WDR76: variants seen among roughly 807,000 people sequenced by gnomAD.
WDR76 encodes the protein WD repeat domain 76.
A neutral mutation model predicts 70.2 loss-of-function variants in WDR76; 52 were observed. That is an observed-to-expected ratio of 0.74 (90% CI 0.59 to 0.93). The LOEUF (loss-of-function observed/expected upper bound fraction) is 0.93, where lower values mean the gene tolerates loss of function less well. WDR76 is among the 40% of genes least tolerant of loss of function. The probability of loss-of-function intolerance (pLI) is 0.00; values close to 1 mark genes in which losing one functional copy is unlikely to be tolerated. For missense variants in WDR76, 756 were observed against 760.2 expected, an observed-to-expected ratio of 0.99 and a Z score of 0.07; for synonymous variants, 292 against 271.1, an observed-to-expected ratio of 1.08 and a Z score of -0.76.
chr15:43,867,474 T>G lies in WDR76; in HGVS notation c.*1082T>G, dbSNP rs1048638349. On this transcript the variant is annotated 3_prime_UTR_variant, in exon 13 of 13. Coordinates refer to ENST00000263795, the MANE Select transcript of WDR76 (RefSeq NM_024908.4). ...ATTTGTAAAGAACAGAAAATATATT[T>G]GAGTAAGTATTGTTTGGTAAAACTT... 6.6e-6 allele frequency: 1 copy of G among 152,106 alleles called. No individual in the cohort carries two copies. The highest frequency in any genetic ancestry group is 1.9e-4 in the East Asian group (1 of 5,196). The allele number at this position is 152,106 out of a possible 1,614,324, so 9.4% of individuals were successfully genotyped here. A position where few individuals can be genotyped will look rare whatever the true frequency, so the allele number is the denominator to read the frequency against.
intron 4 of WDR76, 116 bp from the exon 5 acceptor site, chr15:43,839,489 C>A (rs1349603424): frequency 6.7e-6 from 7 of 1,044,904 alleles, no homozygotes; most frequent in East Asian, 2.8e-5. Context: ...ATATATATAT[C>A]TATGCAGTTT....
At position 43,866,225 on chromosome 15, in the gene WDR76, C is replaced by G; in HGVS notation, c.1714C>G (p.Arg572Gly). The change falls in exon 13 of 13, where the codon CGA becomes GGA. Residue 572 changes from arginine to glycine, a missense_variant. By Grantham distance (125) the Arg-to-Gly change is moderately radical. Coordinates refer to ENST00000263795, the MANE Select transcript of WDR76 (RefSeq NM_024908.4). Reference protein sequence around the residue: ...CVIVGSMAHPRRVEIFHETGK... With the variant: ...CVIVGSMAHPGRVEIFHETGK... ...CATAGTTGGCAGCATGGCCCATCCA[C>G]GACGGGTAGAAATCTTCCATGAGAC... 6.2e-7 allele frequency: 1 copy of G among 1,614,194 alleles called. No individual in the cohort carries two copies. Among genetic ancestry groups the G allele is most frequent in the Admixed American group, 1.7e-5 (1 of 60,022 alleles).
chr15:43,828,378 A>AT lies in WDR76; in HGVS notation c.462+14dup, dbSNP rs1596063531. On this transcript the variant is annotated intron_variant, in intron 2 of 12. Transcript: ENST00000263795. The stretch of plus-strand genomic sequence containing the variant: ...CCACACCATCCCTGGTAAGAACTTA[A>AT]TTAGTAGCTTGTTCTGGTTTCTCTT... 6.4e-7 allele frequency: 1 copy of AT among 1,573,556 alleles called. No individual in the cohort carries two copies.
chr15:43,833,829 G>T (rs1234926369), intron 2 of WDR76, among the ~76,000 whole-genome samples: 1 of 149,840 alleles, frequency 6.7e-6, no homozygotes, highest in Admixed American at 6.7e-5. Context: ...TAGAGACTGG[G>T]TTTTGCCATG....
chr15:43,836,350 T>TA, intron 4 of WDR76, 134 bp downstream of exon 4: 5 of 578,448 alleles, frequency 8.6e-6, no homozygotes, highest in Non-Finnish European at 1.4e-5. Flanking sequence ...CTAGGATCTC[T>TA]GAGGGAATGC....
chr15:43,845,421 G>T (rs1020079429), intron 8 of WDR76, among the ~76,000 whole-genome samples: 1 of 150,070 alleles, frequency 6.7e-6, no homozygotes, highest in Admixed American at 6.6e-5. Flanking sequence ...AGAAACCCAG[G>T]AGAGACCACT....
At chr15:43,853,228 T>A (rs1485255514) in intron 9 of WDR76, among the ~76,000 whole-genome samples, 1 of 151,670 alleles carries the variant, frequency 6.6e-6, no homozygotes, top group Admixed American at 6.6e-5. Flanking sequence ...TCTCACTCTG[T>A]CACTCCAGCT....
chr15:43,857,723 G>A (rs893813006), intron 10 of WDR76, among the ~76,000 whole-genome samples: 1 of 150,960 alleles, frequency 6.6e-6, no homozygotes, highest in African/African-American at 2.4e-5. Flanking sequence ...GGGAGGCTGA[G>A]GCACAGAATC....
chr15:43,858,908 C>A, intron 11 of WDR76, 85 bp downstream of exon 11: 1 of 1,468,706 alleles, frequency 6.8e-7, no homozygotes, highest in Non-Finnish European at 9.2e-7. Context: ...TTGTTTACTG[C>A]TGTTCCCTAT....
chr15:43,831,486 T>TG (rs900071204), intron 2 of WDR76, among the ~76,000 whole-genome samples: 2 of 151,612 alleles, frequency 1.3e-5, no homozygotes, highest in African/African-American at 4.8e-5. Flanking sequence ...TTACCCAGGA[T>TG]GGAGTGCAGA....
At chr15:43,849,063 G>A (rs1567188450) in intron 8 of WDR76, among the ~76,000 whole-genome samples, 1 of 149,354 alleles carries the variant, frequency 6.7e-6, no homozygotes, top group Non-Finnish European at 1.5e-5. Context: ...TAATCCCAGC[G>A]ACTCAGGAGG....
intron 10 of WDR76, chr15:43,857,415 A>G (rs2087941979): frequency 2.1e-6 from 2 of 968,120 alleles, no homozygotes; most frequent in Non-Finnish European, 2.5e-6. Context: ...CATTATATGC[A>G]TTCGCCTCTT....
chr15:43,848,527 T>C (rs776875109), intron 8 of WDR76, among the ~76,000 whole-genome samples: 2 of 152,212 alleles, frequency 1.3e-5, no homozygotes, highest in Non-Finnish European at 2.9e-5. Context: ...TCAGGAAAAA[T>C]AGAAGAAGTA....
chr15:43,856,379 T>C (rs1003069012), intron 9 of WDR76, among the ~76,000 whole-genome samples: 1 of 152,212 alleles, frequency 6.6e-6, no homozygotes, highest in African/African-American at 2.4e-5. Context: ...TTCAGCTGTG[T>C]GTCTTGGACT....
intron 2 of WDR76, among the ~76,000 whole-genome samples, chr15:43,831,584 G>A (rs901568569): frequency 6.6e-6 from 1 of 152,104 alleles, no homozygotes; most frequent in South Asian, 2.1e-4. Flanking sequence ...GATTACTGGC[G>A]TGTGCCACCA....
At chr15:43,845,106 C>T (rs1306516031) in intron 8 of WDR76, among the ~76,000 whole-genome samples, 2 of 146,564 alleles carry the variant, frequency 1.4e-5, no homozygotes, top group Non-Finnish European at 3.1e-5. Context: ...GGACTACAGG[C>T]GCCTGCCACC....
rs986398561 is a variant in WDR76, at chr15:43,845,237, C to T, written c.1032+1183C>T. ...GTGCTGGGATTACAGGCATGAGCCA[C>T]GGCGCCCAGCCCGAAGTTTAGTTTT... On this transcript the variant is annotated intron_variant, in intron 8 of 12. Transcript: ENST00000263795. Among the ~76,000 whole-genome samples the T allele has an allele frequency of 1.1e-4, 16 of 149,932 alleles. 1 individual carries two copies. The highest frequency in any genetic ancestry group is 2.1e-4 in the Non-Finnish European group (14 of 66,912).
intron 3 of WDR76, 145 bp downstream of exon 3, chr15:43,835,295 G>GC (rs1157311847): frequency 1.2e-4 from 44 of 363,128 alleles, no homozygotes; most frequent in South Asian, 1.2e-3. Flanking sequence ...ACGGAGACCC[G>GC]CCCCCCGCCC....
At chr15:43,850,501 T>C (rs1451507200) in intron 8 of WDR76, among the ~76,000 whole-genome samples, 1 of 151,854 alleles carries the variant, frequency 6.6e-6, no homozygotes, top group East Asian at 1.9e-4. Context: ...TTCACCATGT[T>C]AGCCAGGATG....
Sources: gnomAD v4.1 joint callset for allele counts (sites outside exome capture counted in the v4.1 genomes callset) on GRCh38, gnomAD v4.1.1 for gene constraint, MANE v1.5 for transcripts, NCBI Gene and HGNC (gene_info 2026-07-23, HGNC 2026-07-21) for gene names.